The following PEX6 variants were observed in gnomAD, a reference collection of about 807,000 sequenced individuals.
The protein encoded by PEX6 is peroxisome biogenesis factor 6.
Under a neutral mutation model 85.6 loss-of-function variants are expected in PEX6, and 55 were observed. The ratio of observed to expected loss-of-function variants is 0.64; its 90% CI spans 0.52 to 0.80. The LOEUF (loss-of-function observed/expected upper bound fraction) is 0.80, where lower values mean the gene tolerates loss of function less well. Ranked by LOEUF, PEX6 falls within the 30% of genes least tolerant of loss-of-function variation. The pLI is 0.00. For synonymous variants in PEX6, 519 were observed against 549.1 expected, an observed-to-expected ratio of 0.95 and a Z score of 0.77; for missense variants, 1,099 against 1,260.3, an observed-to-expected ratio of 0.87 and a Z score of 1.94.
intron 3 of PEX6, among the ~76,000 whole-genome samples, chr6:42,970,764 GA>G (rs1770033149): frequency 6.6e-6 from 1 of 152,076 alleles, no homozygotes; most frequent in African/African-American, 2.4e-5. Flanking sequence ...CTTTGTGAAG[GA>G]AAAAAAGCAC....
intron 8 of PEX6, 117 bp downstream of exon 8, chr6:42,967,251 G>A: frequency 9.8e-7 from 1 of 1,024,788 alleles, no homozygotes; most frequent in Non-Finnish European, 1.5e-6. Flanking sequence ...TTACAGGCGT[G>A]AGCCACGGCG....
rs2114246028 is a variant in PEX6, at chr6:42,968,954, G to A, written c.1399C>T (p.Leu467Phe). 6.2e-7 allele frequency: 1 copy of A among 1,613,916 alleles called. No individual in the cohort carries two copies. The highest frequency in any genetic ancestry group is 8.5e-7 in the Non-Finnish European group (1 of 1,179,904). The change falls in exon 6 of 17, where the codon CTT (leucine) becomes TTT (phenylalanine). Residue 467 changes from leucine to phenylalanine, a missense_variant. Transcript: ENST00000304611. ...GALLTGTSSVLLRGPPGCGKT... is the reference protein window; with the variant it reads ...GALLTGTSSVFLRGPPGCGKT... ...CCACAGCCTGGGGGGCCCCGTAGAA[G>A]GACACTGCTAGTTCCTGTCAGCAGG... is the stretch of plus-strand genomic sequence containing the variant.
At chr6:42,967,823 C>A (rs1260271868) in intron 7 of PEX6, among the ~76,000 whole-genome samples, 1 of 152,012 alleles carries the variant, frequency 6.6e-6, no homozygotes, top group Non-Finnish European at 1.5e-5. Flanking sequence ...CCTCTAAAGA[C>A]ACGGAGCTCA....
rs200119040 is a variant in PEX6 at position 42,966,673 on chromosome 6, C to T, written c.1962-16G>A. On this transcript the variant is annotated splice_polypyrimidine_tract_variant and intron_variant, in intron 9 of 16. Transcript: ENST00000304611. Reference sequence around the variant, plus strand: ...ACCTGCCAAACTGCAAAGAGGAACACAGGGAAGCCTCCTCACCATCAGCGT... The same window carrying T: ...ACCTGCCAAACTGCAAAGAGGAACATAGGGAAGCCTCCTCACCATCAGCGT... 58 of 1,614,056 alleles carry T rather than the reference C, an allele frequency of 3.6e-5. No individual in the cohort carries two copies. The highest frequency in any genetic ancestry group is 4.8e-5 in the Non-Finnish European group (57 of 1,180,032).
rs774721609 is a variant in PEX6 at position 42,964,866 on chromosome 6, C to T, written c.2730G>A (p.Thr910=). The stretch of plus-strand genomic sequence containing the variant: ...AGCAGAGAGAGTAGAGGTCCGCGCC[C>T]GTCAGCTGGGGAGGGCAGCAATCTA... ...NVLDCCPPQL[T]GADLYSLCSD... is the part of the protein sequence containing the mutation. Residue 910 remains threonine (T), a synonymous_variant, in exon 16 of 17, where the codon ACG becomes ACA. Coordinates refer to ENST00000304611, the MANE Select transcript of PEX6 (RefSeq NM_000287.4). This position sits in a 1 kb window ranked among gnomAD's most constrained non-coding sequence, Gnocchi z 4.6. The T allele has an allele frequency of 2.3e-5, 37 of 1,614,020 alleles. No homozygotes were observed. The highest frequency in any genetic ancestry group is 1.6e-4 in the Middle Eastern group (1 of 6,084).
Position 42,965,874 on chromosome 6 carries a change from G to T in PEX6, c.2363-85C>A. 7.4e-7 allele frequency: 1 copy of T among 1,347,306 alleles called. No individual in the cohort carries two copies. Among genetic ancestry groups the T allele is most frequent in the Non-Finnish European group, 1.1e-6 (1 of 940,852 alleles). The allele number at this position is 1,347,306 out of a possible 1,614,324, so 83.5% of individuals were successfully genotyped here. A position where few individuals can be genotyped will look rare whatever the true frequency, so the allele number is the denominator to read the frequency against. Reference sequence around the variant, plus strand: ...GGTGAGAGCAGGGAGGGAAACTGGGGCCTGACAATACAGCACTGGCATCCC... The same window carrying T: ...GGTGAGAGCAGGGAGGGAAACTGGGTCCTGACAATACAGCACTGGCATCCC... On this transcript the variant is annotated intron_variant, in intron 12 of 16. Transcript: ENST00000304611. The surrounding 1 kb of genome is among the most constrained non-coding windows in gnomAD (Gnocchi z 5.0).
Position 42,971,038 on chromosome 6 carries a change from G to A in PEX6, c.1131-1051C>T, listed in dbSNP as rs2150232854. Among the ~76,000 whole-genome samples, 1 of 152,302 alleles carries A rather than the reference G, an allele frequency of 6.6e-6. No homozygotes were observed. The highest frequency in any genetic ancestry group is 2.4e-5 in the African/African-American group (1 of 41,568). On this transcript the variant is annotated intron_variant, in intron 3 of 16. Coordinates refer to ENST00000304611, the MANE Select transcript of PEX6 (RefSeq NM_000287.4). The surrounding 1 kb of genome is among the most constrained non-coding windows in gnomAD (Gnocchi z 4.4). ...CCTCAGGCAGCAAGGCAATGACAGA[G>A]TCAGGCTATAACCTAGTCCTCTTTA... is the stretch of plus-strand genomic sequence containing the variant.
At chr6:42,973,645 G>A (rs1243092774) in intron 3 of PEX6, among the ~76,000 whole-genome samples, 3 of 152,146 alleles carry the variant, frequency 2.0e-5, no homozygotes, top group Admixed American at 2.0e-4. Context: ...TTGAGCTCAA[G>A]AGTTCGAGCC....
rs764881774 is a variant in PEX6, at chr6:42,967,406, G to T, written c.1846C>A (p.Gln616Lys). The part of the protein sequence containing the change: ...RALTAHLPLG[Q>K]EVNLAQLARR... Reference sequence around the variant, plus strand: ...GCTAGCTGTGCCAAGTTCACCTCCTGGCCCAGGGGAAGGTGGGCAGTGAGG... The same window carrying T: ...GCTAGCTGTGCCAAGTTCACCTCCTTGCCCAGGGGAAGGTGGGCAGTGAGG... Residue 616 changes from glutamine to lysine, a missense_variant, in exon 8 of 17, where the codon CAG becomes AAG. Transcript: ENST00000304611. The T allele has an allele frequency of 1.2e-6, 2 of 1,613,390 alleles. 1 individual carries two copies. Among genetic ancestry groups the T allele is most frequent in the South Asian group, 2.2e-5 (2 of 90,866 alleles).
chr6:42,966,877 G>A lies in PEX6; in HGVS notation c.1885-19C>T, dbSNP rs1246374811. 2 of 1,605,486 alleles carry A rather than the reference G, an allele frequency of 1.2e-6. No individual in the cohort carries two copies. The highest frequency in any genetic ancestry group is 2.7e-5 in the African/African-American group (2 of 74,702). On this transcript the variant is annotated intron_variant, in intron 8 of 16. Transcript: ENST00000304611. ...CAAAGCCCTAGGGAACCACAGGAAA[G>A]GACACATGAGCAGGGCACAGTAGGC... is the stretch of plus-strand genomic sequence containing the variant.
At chr6:42,977,894 A>G (rs1178870735) in intron 1 of PEX6, among the ~76,000 whole-genome samples, 1 of 131,848 alleles carries the variant, frequency 7.6e-6, no homozygotes, top group African/African-American at 2.9e-5. Context: ...CCCAGGCTGG[A>G]GTCCAATGGC....
chr6:42,975,268 G>A lies in PEX6; in HGVS notation c.883-230C>T, dbSNP rs2274518. On this transcript the variant is annotated intron_variant, in intron 1 of 16. Transcript: ENST00000304611. ...GGCTCCAAAAAATTTTCTCAGTAAA[G>A]ATAACCTTTCTGTGACACTTTCAAC... Among the ~76,000 whole-genome samples the A allele has an allele frequency of 0.11, 16,866 of 152,146 alleles. 1,610 individuals carry two copies. The highest frequency in any genetic ancestry group is 0.26 in the African/African-American group (10,843 of 41,470).
At chr6:42,969,174 C>A (rs915961870) in intron 5 of PEX6, among the ~76,000 whole-genome samples, 189 bp from the exon 6 acceptor site, 1 of 152,214 alleles carries the variant, frequency 6.6e-6, no homozygotes, top group African/African-American at 2.4e-5. Context: ...GTGCTCTGGC[C>A]GGGGCATCCA....
rs1219167663 is a variant in PEX6, at chr6:42,968,333, C to T, written c.1645G>A (p.Ala549Thr). 2 of 1,614,174 alleles carry T rather than the reference C, an allele frequency of 1.2e-6. No individual in the cohort carries two copies. Among genetic ancestry groups the T allele is most frequent in the Non-Finnish European group, 1.7e-6 (2 of 1,180,042 alleles). ...TTGAGGAGGAGGTGACGCAGCACAG[C>T]CATCACACGGGCATCCTCACCCAGC... ...DGLGEDARVMAVLRHLLLNED... is the reference protein window; with the variant it reads ...DGLGEDARVMTVLRHLLLNED... Residue 549 changes from alanine to threonine, a missense_variant, in exon 7 of 17, where the codon GCT becomes ACT. By Grantham distance (58) the Ala-to-Thr change is moderately conservative. Transcript: ENST00000304611.
Position 42,968,517 on chromosome 6 carries a change from T to C in PEX6, c.1480-19A>G. The C allele has an allele frequency of 6.4e-7, 1 of 1,552,054 alleles. No homozygotes were observed. Among genetic ancestry groups the C allele is most frequent in the Non-Finnish European group, 8.7e-7 (1 of 1,145,542 alleles). ...AGGGCACCTGGGGAGGGGATCCCAA[T>C]GGGTCTGTGAGCAAGGGGAAAGCAT... On this transcript the variant is annotated intron_variant, in intron 6 of 16. Coordinates refer to ENST00000304611, the MANE Select transcript of PEX6 (RefSeq NM_000287.4).
chr6:42,978,199 C>T (rs1770385069), intron 1 of PEX6, 70 bp downstream of exon 1: 1 of 1,566,812 alleles, frequency 6.4e-7, no homozygotes, highest in African/African-American at 1.4e-5. Flanking sequence ...CTAAATCTTC[C>T]AATTTACCTA....
Position 42,964,231 on chromosome 6 carries a change from G to T in PEX6, c.*104C>A. On this transcript the variant is annotated 3_prime_UTR_variant, in exon 17 of 17. Transcript: ENST00000304611. The surrounding 1 kb of genome is among the most constrained non-coding windows in gnomAD (Gnocchi z 4.6). ...CCTGGAGGGAGGTGGCCTCCAGGTG[G>T]GTTGGCAGCAGCCTGAGGAGGAGCC... The T allele has an allele frequency of 7.0e-7, 1 of 1,418,726 alleles. No individual in the cohort carries two copies. Among genetic ancestry groups the T allele is most frequent in the South Asian group, 1.2e-5 (1 of 84,330 alleles). 87.9% of individuals were successfully genotyped at this position (1,418,726 alleles called of 1,614,324 possible).
Position 42,969,745 on chromosome 6 carries a change from C to A in PEX6, c.1290G>T (p.Trp430Cys), listed in dbSNP as rs1457151665. The change falls in exon 5 of 17, where the codon TGG (tryptophan) becomes TGT (cysteine). Residue 430 changes from tryptophan (W) to cysteine (C), a missense_variant. By Grantham distance (215) the Trp-to-Cys change is radical. Transcript: ENST00000304611. ...PWLPSEESTL[W>C]SSLSPPGLEA... Reference sequence around the variant, plus strand: ...CCAGGCCTGGAGGAGACAAACTGCTCCAGAGAGTGGATTCCTCTGAAGGGA... The same window carrying A: ...CCAGGCCTGGAGGAGACAAACTGCTACAGAGAGTGGATTCCTCTGAAGGGA... The A allele has an allele frequency of 1.9e-6, 3 of 1,613,704 alleles. No individual in the cohort carries two copies. The highest frequency in any genetic ancestry group is 2.5e-6 in the Non-Finnish European group (3 of 1,179,966).
chr6:42,976,257 A>G (rs1770295133), intron 1 of PEX6, among the ~76,000 whole-genome samples: 1 of 152,208 alleles, frequency 6.6e-6, no homozygotes, highest in Non-Finnish European at 1.5e-5. Context: ...AAATTTAAAA[A>G]GCCACAAAGT....
Sources: gnomAD v4.1 joint callset for allele counts (sites outside exome capture counted in the v4.1 genomes callset) on GRCh38, gnomAD v4.1.1 for gene constraint, Gnocchi (gnomAD v3.1) non-coding constraint, MANE v1.5 for transcripts, NCBI Gene and HGNC (gene_info 2026-07-23, HGNC 2026-07-21) for gene names.